Variants in ROBO2 observed in about 807,000 individuals in gnomAD.
The protein encoded by ROBO2 is roundabout homolog 2.
A neutral mutation model predicts 160.8 loss-of-function variants in ROBO2; 53 were observed. The ratio of observed to expected loss-of-function variants is 0.33; its 90% confidence interval spans 0.26 to 0.41. The LOEUF (loss-of-function observed/expected upper bound fraction) is 0.41, where lower values mean the gene tolerates loss of function less well. Among genes scored for constraint, ROBO2 ranks in the 10% least tolerant of loss-of-function variants. ROBO2 has a pLI of 1.00. For missense variants in ROBO2, 1,577 were observed against 1,722.4 expected, an observed-to-expected ratio of 0.92 and a Z score of 1.49; for synonymous variants, 664 against 611.7, an observed-to-expected ratio of 1.09 and a Z score of -1.26.
At chr3:76,889,012 A>G (rs1440623360) in intron 2 of ROBO2, among the ~76,000 whole-genome samples, 1 of 152,166 alleles carries the variant, frequency 6.6e-6, no homozygotes, top group Non-Finnish European at 1.5e-5. Flanking sequence ...CATCATTTTT[A>G]TTCATTCTTC....
intron 2 of ROBO2, among the ~76,000 whole-genome samples, chr3:76,933,820 G>A (rs2077507031): frequency 6.6e-6 from 1 of 152,158 alleles, no homozygotes; most frequent in Non-Finnish European, 1.5e-5. Context: ...TACAATTATA[G>A]TGATTATTAT....
chr3:77,465,986 G>T (rs1310097220), intron 2 of ROBO2, among the ~76,000 whole-genome samples: 1 of 152,136 alleles, frequency 6.6e-6, no homozygotes, highest in Non-Finnish European at 1.5e-5. Context: ...TCAGAAGATG[G>T]TGATGCTTTT....
chr3:76,056,519 C>T (rs2067853338), intron 2 of ROBO2, among the ~76,000 whole-genome samples: 1 of 151,464 alleles, frequency 6.6e-6, no homozygotes, highest in Non-Finnish European at 1.5e-5. Context: ...GAAAAAAAAC[C>T]CATTCACTTT....
chr3:76,224,228 T>C (rs1426422991), intron 2 of ROBO2, among the ~76,000 whole-genome samples: 1 of 152,210 alleles, frequency 6.6e-6, no homozygotes, highest in African/African-American at 2.4e-5. Context: ...ATTGGATTGA[T>C]ATAACATCTG....
chr3:76,884,622 A>C (rs2073698239), intron 2 of ROBO2, among the ~76,000 whole-genome samples: 1 of 152,228 alleles, frequency 6.6e-6, no homozygotes, highest in Non-Finnish European at 1.5e-5. Context: ...CAGCAACTAA[A>C]AGATCAAATC....
Position 76,814,230 on chromosome 3 carries a change from C to T in ROBO2, c.110-283784C>T, listed in dbSNP as rs2065468053. 2.0e-5 allele frequency among the ~76,000 whole-genome samples: 3 copies of T among 152,114 alleles called. No homozygotes were observed. In the South Asian group the frequency reaches 6.2e-4, roughly 31 times the overall value. ...TGTTTCAACTCAACTGTGGGCACTG[C>T]AAATGCTAGATGGATATGGTGATGG... On this transcript the variant is annotated intron_variant, in intron 2 of 26. Coordinates refer to the ROBO2 transcript ENST00000487694.
chr3:76,350,461 A>G (rs1482286018), intron 2 of ROBO2, among the ~76,000 whole-genome samples: 1 of 152,068 alleles, frequency 6.6e-6, no homozygotes, highest in African/African-American at 2.4e-5. Flanking sequence ...GTTTATTTCC[A>G]TTATAACCTA....
At chr3:76,720,597 A>T (rs1305186722) in intron 2 of ROBO2, among the ~76,000 whole-genome samples, 1 of 152,246 alleles carries the variant, frequency 6.6e-6, no homozygotes, top group Non-Finnish European at 1.5e-5. Context: ...GAAACAAAGC[A>T]AGGCAGCATA....
At chr3:76,284,682 G>C (rs1294181390) in intron 2 of ROBO2, among the ~76,000 whole-genome samples, 2 of 152,036 alleles carry the variant, frequency 1.3e-5, no homozygotes, top group Admixed American at 1.3e-4. Context: ...GAAAACTCTT[G>C]ATCATTTTAA....
chr3:76,840,524 C>T (rs960769800), intron 2 of ROBO2, among the ~76,000 whole-genome samples: 42 of 151,116 alleles, frequency 2.8e-4, no homozygotes, highest in African/African-American at 3.6e-4. Flanking sequence ...GCAGGAGAAT[C>T]GCTTGAACCC....
intron 2 of ROBO2, among the ~76,000 whole-genome samples, chr3:76,213,781 T>C (rs1222145895): frequency 1.3e-5 from 2 of 152,180 alleles, no homozygotes; most frequent in African/African-American, 2.4e-5. Flanking sequence ...TTTATCGTTA[T>C]TAATTTGACA....
At chr3:76,614,283 C>T (rs1394373656) in intron 2 of ROBO2, among the ~76,000 whole-genome samples, 1 of 152,106 alleles carries the variant, frequency 6.6e-6, no homozygotes, top group African/African-American at 2.4e-5. Context: ...AGACTACCCA[C>T]CTTGTCCTTA....
chr3:76,720,662 T>A (rs2093450873), intron 2 of ROBO2, among the ~76,000 whole-genome samples: 1 of 152,238 alleles, frequency 6.6e-6, no homozygotes, highest in African/African-American at 2.4e-5. Context: ...ATTATAAAAT[T>A]CAAATTCATA....
intron 2 of ROBO2, among the ~76,000 whole-genome samples, chr3:77,191,866 C>T (rs1051410877): frequency 5.9e-5 from 9 of 152,082 alleles, no homozygotes; most frequent in East Asian, 1.9e-4. Flanking sequence ...AAATTTTTCA[C>T]GTTGACATGT....
At chr3:76,063,414 C>A (rs958769287) in intron 2 of ROBO2, among the ~76,000 whole-genome samples, 1 of 149,702 alleles carries the variant, frequency 6.7e-6, no homozygotes, top group Non-Finnish European at 1.5e-5. Context: ...GCAATGAGGG[C>A]TCATTGCAGC....
intron 2 of ROBO2, among the ~76,000 whole-genome samples, chr3:76,780,366 C>T (rs931247322): frequency 6.6e-6 from 1 of 150,784 alleles, no homozygotes; most frequent in South Asian, 2.1e-4. Context: ...TGTTTCCTCC[C>T]ACGCTGTAGG....
At chr3:76,482,149 CA>C (rs1293602175) in intron 2 of ROBO2, among the ~76,000 whole-genome samples, 1 of 152,096 alleles carries the variant, frequency 6.6e-6, no homozygotes, top group South Asian at 2.1e-4. Flanking sequence ...AACTAATAGC[CA>C]ACATAGAATC....
intron 2 of ROBO2, among the ~76,000 whole-genome samples, chr3:75,999,056 C>G (rs1032035928): frequency 6.6e-6 from 1 of 152,148 alleles, no homozygotes; most frequent in Admixed American, 6.5e-5. Context: ...AATAGTCAAA[C>G]AGCTTCTGGG....
At chr3:76,194,445 A>G (rs1254599606) in intron 2 of ROBO2, among the ~76,000 whole-genome samples, 2 of 145,838 alleles carry the variant, frequency 1.4e-5, no homozygotes, top group Non-Finnish European at 3.0e-5. Flanking sequence ...ATATTTTATG[A>G]GTGCTCCTGC....
Sources: gnomAD v4.1 joint callset for allele counts (sites outside exome capture counted in the v4.1 genomes callset) on GRCh38, gnomAD v4.1.1 for gene constraint, MANE v1.5 for transcripts, NCBI Gene and HGNC (gene_info 2026-07-23, HGNC 2026-07-21) for gene names.